SRD5A2: variants seen among roughly 807,000 people sequenced by gnomAD.
The protein encoded by SRD5A2 is steroid 5 alpha-reductase 2.
A neutral mutation model predicts 27.4 loss-of-function variants in SRD5A2; 30 were observed. The ratio of observed to expected loss-of-function variants is 1.10; its 90% CI spans 0.82 to 1.49. SRD5A2 has a LOEUF of 1.49. Ranked by LOEUF, SRD5A2 falls within the 40% of genes most tolerant of loss-of-function variation. The probability of loss-of-function intolerance (pLI) is 0.00; values close to 1 mark genes in which losing one functional copy is unlikely to be tolerated. For missense variants in SRD5A2, 348 were observed against 323.4 expected (o/e 1.08, Z -0.58); for synonymous variants, 141 against 133.6 (o/e 1.06, Z -0.38).
the SRD5A2 span, among the ~76,000 whole-genome samples, chr2:31,621,481 G>A: frequency 1.4e-4 from 21 of 152,074 alleles, no homozygotes; most frequent in South Asian, 2.1e-4. Flanking sequence ...TGAATATTGC[G>A]CAGTTTGTTT....
rs146537076 is a variant in SRD5A2 at position 31,545,818 on chromosome 2, G to A, written c.282-12052C>T. Among the ~76,000 whole-genome samples, 254 of 152,198 alleles carry A rather than the reference G, an allele frequency of 1.7e-3. 1 individual carries two copies. Among genetic ancestry groups the A allele is most frequent in the African/African-American group, 5.9e-3 (247 of 41,536 alleles). On this transcript the variant is annotated intron_variant, in intron 1 of 4. Transcript: ENST00000622030. ...GATCATGTGTCTAGAACACTCTAAC[G>A]ATTCCACATACATTTTTAAAAAACT...
At chr2:31,589,839 C>T in the SRD5A2 span, among the ~76,000 whole-genome samples, 2 of 152,230 alleles carry the variant, frequency 1.3e-5, no homozygotes, top group East Asian at 1.9e-4. Flanking sequence ...GCCCTGCTTG[C>T]TTTCTCAGTG....
At chr2:31,661,581 T>C in the SRD5A2 span, among the ~76,000 whole-genome samples, 8 of 152,204 alleles carry the variant, frequency 5.3e-5, no homozygotes, top group East Asian at 1.5e-3. Context: ...AAGAGACTAA[T>C]GAAGAATTGT....
In SRD5A2 at chr2:31,522,734, T is replaced by C; in HGVS notation, c.*3462A>G. 4.5e-6 allele frequency: 1 copy of C among 223,066 alleles called. No individual in the cohort carries two copies. The highest frequency in any genetic ancestry group is 9.0e-6 in the Non-Finnish European group (1 of 111,644). The allele number at this position is 223,066 out of a possible 1,614,324, so 13.8% of individuals were successfully genotyped here. A position where few individuals can be genotyped will look rare whatever the true frequency, so the allele number is the denominator to read the frequency against. On this transcript the variant is annotated 3_prime_UTR_variant, in exon 5 of 5. Coordinates refer to ENST00000622030, the MANE Select transcript of SRD5A2 (RefSeq NM_000348.4). ...TCATCATAGGATAGTGTAGATGCTA[T>C]AAAATAATCAGCATCCTTCTCCAGA...
chr2:31,567,686 C>T (rs1666762121), intron 1 of SRD5A2, among the ~76,000 whole-genome samples: 1 of 152,100 alleles, frequency 6.6e-6, no homozygotes, highest in Admixed American at 6.6e-5. Context: ...AATCATAAAG[C>T]ATGTACTCCT....
upstream of SRD5A2, among the ~76,000 whole-genome samples, chr2:31,585,219 G>C (rs1213776382): frequency 6.6e-6 from 1 of 152,186 alleles, no homozygotes; most frequent in African/African-American, 2.4e-5. Context: ...CTGAAAGGCA[G>C]TTTAGGCCAA....
chr2:31,641,526 C>A, the SRD5A2 span, among the ~76,000 whole-genome samples: 1 of 151,994 alleles, frequency 6.6e-6, no homozygotes, highest in Non-Finnish European at 1.5e-5. Context: ...AAGACATAAA[C>A]TTGTGACCAT....
At chr2:31,632,737 A>G in the SRD5A2 span, among the ~76,000 whole-genome samples, 2 of 151,870 alleles carry the variant, frequency 1.3e-5, no homozygotes, top group Non-Finnish European at 2.9e-5. Context: ...GAGGAACTTT[A>G]CTCTTTTCAC....
the SRD5A2 span, among the ~76,000 whole-genome samples, chr2:31,620,226 A>T: frequency 3.3e-5 from 5 of 152,284 alleles, no homozygotes; most frequent in Admixed American, 2.6e-4. Context: ...CACAGAGAAC[A>T]TCACACTGAA....
intron 1 of SRD5A2, among the ~76,000 whole-genome samples, chr2:31,535,938 T>G (rs1027936705): frequency 6.6e-6 from 1 of 152,276 alleles, no homozygotes; most frequent in African/African-American, 2.4e-5. Flanking sequence ...CATAACTCTG[T>G]GATCTTGGAC....
the SRD5A2 span, among the ~76,000 whole-genome samples, chr2:31,656,864 C>T: frequency 5.3e-5 from 8 of 152,180 alleles, no homozygotes; most frequent in Non-Finnish European, 8.8e-5. Flanking sequence ...GAAAATGACA[C>T]TTAACCTATA....
intron 1 of SRD5A2, among the ~76,000 whole-genome samples, chr2:31,579,099 A>G (rs2148105446): frequency 6.6e-6 from 1 of 152,358 alleles, no homozygotes; most frequent in East Asian, 1.9e-4. Flanking sequence ...GTAAAATAAA[A>G]TCTGTGTAAA....
chr2:31,582,157 C>G (rs1667094723), upstream of SRD5A2, among the ~76,000 whole-genome samples: 1 of 152,186 alleles, frequency 6.6e-6, no homozygotes, highest in Non-Finnish European at 1.5e-5. Context: ...GGCTCCACCC[C>G]AGTCCTTCTC....
the SRD5A2 span, among the ~76,000 whole-genome samples, chr2:31,600,377 T>C: frequency 1.3e-5 from 2 of 151,998 alleles, no homozygotes; most frequent in East Asian, 1.9e-4. Flanking sequence ...GGTCAAATGG[T>C]ATTTTGGTTT....
chr2:31,618,184 A>G, the SRD5A2 span, among the ~76,000 whole-genome samples: 1 of 152,128 alleles, frequency 6.6e-6, no homozygotes, highest in Non-Finnish European at 1.5e-5. Context: ...AAACTATGAG[A>G]TCTTGTGAGA....
At chr2:31,566,894 C>T (rs1175421019) in intron 1 of SRD5A2, among the ~76,000 whole-genome samples, 1 of 151,968 alleles carries the variant, frequency 6.6e-6, no homozygotes. Context: ...AAAATACAAA[C>T]CTAAATTATC....
At chr2:31,647,347 G>A in the SRD5A2 span, among the ~76,000 whole-genome samples, 4,439 of 152,200 alleles carry the variant, frequency 0.029, 113 homozygotes, top group East Asian at 0.075. Context: ...TGCCCACACT[G>A]ATAGCCCATG....
intron 1 of SRD5A2, among the ~76,000 whole-genome samples, chr2:31,566,469 G>C (rs557160003): frequency 1.6e-4 from 24 of 152,020 alleles, no homozygotes; most frequent in Non-Finnish European, 7.4e-5. Context: ...AAAAGATCTG[G>C]AAAAAAAGTG....
At chr2:31,656,787 T>G in the SRD5A2 span, among the ~76,000 whole-genome samples, 1 of 152,168 alleles carries the variant, frequency 6.6e-6, no homozygotes, top group African/African-American at 2.4e-5. Flanking sequence ...CTCAGGTATT[T>G]TGGGACAATA....
Sources: gnomAD v4.1 joint callset for allele counts (sites outside exome capture counted in the v4.1 genomes callset) on GRCh38, gnomAD v4.1.1 for gene constraint, MANE v1.5 for transcripts, NCBI Gene and HGNC (gene_info 2026-07-23, HGNC 2026-07-21) for gene names.